KIAA1217: variants seen among roughly 807,000 people sequenced by gnomAD.
KIAA1217 encodes KIAA1217.
Under a neutral mutation model 163.9 loss-of-function variants are expected in KIAA1217, and 88 were observed. That is an observed-to-expected ratio of 0.54 (90% CI 0.45 to 0.64). The LOEUF (loss-of-function observed/expected upper bound fraction) is 0.64. Among genes scored for constraint, KIAA1217 ranks in the 30% least tolerant of loss-of-function variants. The pLI, the probability that KIAA1217 is intolerant of heterozygous loss-of-function variation, is 0.00. For synonymous variants in KIAA1217, 903 were observed against 923.1 expected (o/e 0.98, Z 0.39); for missense variants, 2,372 against 2,475.0 (o/e 0.96, Z 0.88).
chr10:23,898,911 C>T (rs79280110), intron 1 of KIAA1217, among the ~76,000 whole-genome samples: 2,964 of 152,134 alleles, frequency 0.019, 102 homozygotes, highest in African/African-American at 0.065. Context: ...TCAGAATTTC[C>T]TTCCTTTTAA....
chr10:23,878,267 A>G (rs1840789827), intron 1 of KIAA1217, among the ~76,000 whole-genome samples: 1 of 151,950 alleles, frequency 6.6e-6, no homozygotes, highest in African/African-American at 2.4e-5. Flanking sequence ...TTTTTTAAAA[A>G]ATTTCTACTA....
At chr10:24,155,282 T>A (rs2064823613) in intron 2 of KIAA1217, among the ~76,000 whole-genome samples, 1 of 152,048 alleles carries the variant, frequency 6.6e-6, no homozygotes, top group Non-Finnish European at 1.5e-5. Flanking sequence ...GGATCAGGGG[T>A]TATCTGAAAC....
In KIAA1217 at chr10:24,406,441, A is replaced by G. The variant is rs914099229; in HGVS notation, c.553+25374A>G. On this transcript the variant is annotated intron_variant, in intron 3 of 20. Transcript: ENST00000376454. ...CACACCATACAGGATGAACACACACATTGCTAATGGGTCCTAGAAAAAGGT... is the reference window on the plus strand; with the variant it reads ...CACACCATACAGGATGAACACACACGTTGCTAATGGGTCCTAGAAAAAGGT... Among the ~76,000 whole-genome samples, 27 of 151,284 alleles carry G rather than the reference A, an allele frequency of 1.8e-4. No individual in the cohort carries two copies. The South Asian group carries it at 2.1e-3, about 12-fold the overall frequency.
chr10:24,289,180 A>C lies in KIAA1217; in HGVS notation c.354+69271A>C, dbSNP rs140484799. ...ATGAAGAGATTGCCATTGCTGTTGC[A>C]TTCAGCAACTGGGAGTCCCTGCAAA... is the stretch of plus-strand genomic sequence containing the variant. On this transcript the variant is annotated intron_variant, in intron 2 of 20. Coordinates refer to ENST00000376454, the MANE Select transcript of KIAA1217 (RefSeq NM_019590.5). Among the ~76,000 whole-genome samples, 660 of 152,330 alleles carry C rather than the reference A, an allele frequency of 4.3e-3. 5 individuals carry two copies. Among genetic ancestry groups the C allele is most frequent in the African/African-American group, 0.015 (633 of 41,576 alleles).
At chr10:24,250,586 C>G (rs1386899629) in intron 2 of KIAA1217, among the ~76,000 whole-genome samples, 1 of 145,452 alleles carries the variant, frequency 6.9e-6, no homozygotes, top group Non-Finnish European at 1.5e-5. Flanking sequence ...GTGCCTGCCA[C>G]CACGCCTTGC....
At chr10:23,709,331 C>T (rs1393094983) in intron 1 of KIAA1217, among the ~76,000 whole-genome samples, 1 of 152,022 alleles carries the variant, frequency 6.6e-6, no homozygotes, top group African/African-American at 2.4e-5. Context: ...TAAGACCAGC[C>T]TGGGCAAGAT....
At chr10:23,897,791 A>G (rs1312353796) in intron 1 of KIAA1217, among the ~76,000 whole-genome samples, 1 of 152,112 alleles carries the variant, frequency 6.6e-6, no homozygotes, top group Non-Finnish European at 1.5e-5. Context: ...GATTAAATAT[A>G]AAAAAGGTTT....
chr10:24,069,901 G>A lies in KIAA1217; in HGVS notation c.-171+62527G>A, dbSNP rs191006970. ...GTTTCCCAGGCTGGAGTGCAGTGGT[G>A]CAATCATAGCTCACTACAGCTTTGA... On this transcript the variant is annotated intron_variant, in intron 2 of 18. Coordinates refer to the KIAA1217 transcript ENST00000376462. Among the ~76,000 whole-genome samples the A allele has an allele frequency of 4.0e-3, 607 of 152,182 alleles. 2 individuals carry two copies. Among genetic ancestry groups the A allele is most frequent in the Non-Finnish European group, 7.3e-3 (495 of 68,000 alleles).
intron 2 of KIAA1217, among the ~76,000 whole-genome samples, chr10:24,086,902 G>A (rs1337148510): frequency 6.6e-6 from 1 of 152,166 alleles, no homozygotes; most frequent in Non-Finnish European, 1.5e-5. Flanking sequence ...CGTGGGAACT[G>A]TAATATTCAT....
chr10:24,538,606 AAAAAGAG>A (rs367782590), intron 17 of KIAA1217, among the ~76,000 whole-genome samples: 10,326 of 60,362 alleles, frequency 0.17, 673 homozygotes, highest in Non-Finnish European at 0.22. Context: ...GGAAGGAAGG[AAAAAGAG>A]AGGAAGGAAA....
At chr10:24,436,271 TA>T (rs954367932) in intron 4 of KIAA1217, among the ~76,000 whole-genome samples, 2 of 152,002 alleles carry the variant, frequency 1.3e-5, no homozygotes, top group Non-Finnish European at 2.9e-5. Context: ...TTGATTTAAA[TA>T]AAAAAAAGAA....
intron 1 of KIAA1217, among the ~76,000 whole-genome samples, chr10:23,893,691 G>C (rs1438926468): frequency 6.6e-6 from 1 of 151,944 alleles, no homozygotes; most frequent in South Asian, 2.1e-4. Flanking sequence ...AACCAAAAAA[G>C]AGAATTTTAG....
At chr10:24,406,966 G>A (rs535528184) in intron 3 of KIAA1217, among the ~76,000 whole-genome samples, 7 of 152,286 alleles carry the variant, frequency 4.6e-5, no homozygotes, top group African/African-American at 1.4e-4. Flanking sequence ...AAAAGCACCT[G>A]TCACTGGGTG....
At chr10:24,318,099 G>A (rs1282691657) in intron 2 of KIAA1217, among the ~76,000 whole-genome samples, 1 of 152,132 alleles carries the variant, frequency 6.6e-6, no homozygotes, top group African/African-American at 2.4e-5. Flanking sequence ...TTGAGGCTAG[G>A]AGTTTGAGAC....
chr10:23,998,685 A>C (rs1564598764), intron 1 of KIAA1217, among the ~76,000 whole-genome samples: 1 of 152,232 alleles, frequency 6.6e-6, no homozygotes, highest in Admixed American at 6.5e-5. Context: ...ACAACAGGGG[A>C]GAATTAGTTG....
At chr10:24,466,853 GCTTA>G (rs2063004566) in intron 5 of KIAA1217, 1 of 919,780 alleles carries the variant, frequency 1.1e-6, no homozygotes, top group Non-Finnish European at 1.3e-6. Flanking sequence ...AGTTTTCTCT[GCTTA>G]CTTCATTGTG....
chr10:24,286,455 T>TATAC (rs1554794968), intron 2 of KIAA1217, among the ~76,000 whole-genome samples: 2 of 150,152 alleles, frequency 1.3e-5, no homozygotes, highest in Non-Finnish European at 3.0e-5. Context: ...TATATATATA[T>TATAC]ACACACACAC....
chr10:24,278,944 C>T (rs991215733), intron 2 of KIAA1217, among the ~76,000 whole-genome samples: 1 of 151,188 alleles, frequency 6.6e-6, no homozygotes, highest in Non-Finnish European at 1.5e-5. Context: ...GCAACCTCTG[C>T]CTCCCAGGCT....
At chr10:23,978,275 A>G (rs1278042564) in intron 1 of KIAA1217, among the ~76,000 whole-genome samples, 1 of 152,108 alleles carries the variant, frequency 6.6e-6, no homozygotes, top group African/African-American at 2.4e-5. Flanking sequence ...TGAAGCTTCA[A>G]CTCACCCTTC....
Sources: allele counts gnomAD v4.1 joint callset (sites outside exome capture counted in the v4.1 genomes callset), GRCh38; gene constraint gnomAD v4.1.1; transcripts MANE v1.5; gene names NCBI Gene and HGNC (gene_info 2026-07-23, HGNC 2026-07-21).